The following TBXAS1 variants were observed in gnomAD, a reference collection of about 807,000 sequenced individuals.
TBXAS1 encodes thromboxane A synthase 1, also known as thromboxane-A synthase.
TBXAS1 carries 48 observed loss-of-function variants against 60.7 expected under a neutral mutation model. The ratio of observed to expected loss-of-function variants is 0.79; its 90% confidence interval spans 0.63 to 1.01. The LOEUF (loss-of-function observed/expected upper bound fraction) is 1.01. Ranked by LOEUF, TBXAS1 falls within the 50% of genes least tolerant of loss-of-function variation. TBXAS1 has a pLI of 0.00. For missense variants in TBXAS1, 685 were observed against 686.3 expected, an observed-to-expected ratio of 1.00 and a Z score of 0.02; for synonymous variants, 287 against 269.7, an observed-to-expected ratio of 1.06 and a Z score of -0.63.
At chr7:139,785,380 C>G (rs148265687) in intron 3 of TBXAS1, among the ~76,000 whole-genome samples, 24 of 152,252 alleles carry the variant, frequency 1.6e-4, no homozygotes, top group Middle Eastern at 3.4e-3. Context: ...GAACTCATCT[C>G]CTCCCAAACC....
intron 4 of TBXAS1, among the ~76,000 whole-genome samples, chr7:139,797,673 G>T (rs1437614009): frequency 1.3e-5 from 2 of 152,142 alleles, no homozygotes; most frequent in South Asian, 2.1e-4. Context: ...AGTCTTTAGG[G>T]TGAGGGGCTG....
chr7:139,947,373 A>G (rs1010411271), intron 5 of TBXAS1, among the ~76,000 whole-genome samples: 8 of 152,054 alleles, frequency 5.3e-5, no homozygotes, highest in Non-Finnish European at 7.4e-5. Context: ...ATGAGAACAC[A>G]TGCGCATAAG....
chr7:139,848,179 T>G (rs928380268), intron 1 of TBXAS1, among the ~76,000 whole-genome samples: 1 of 151,602 alleles, frequency 6.6e-6, no homozygotes, highest in Non-Finnish European at 1.5e-5. Context: ...AAGACAGGAT[T>G]TTGCTATGTT....
chr7:139,973,560 T>C (rs1050888582), intron 9 of TBXAS1, among the ~76,000 whole-genome samples: 1 of 151,774 alleles, frequency 6.6e-6, no homozygotes, highest in Non-Finnish European at 1.5e-5. Flanking sequence ...GCTTTCTTTT[T>C]TTTTTTTTTT....
chr7:140,010,194 G>T (rs1033112303), intron 10 of TBXAS1, among the ~76,000 whole-genome samples: 1 of 152,076 alleles, frequency 6.6e-6, no homozygotes, highest in Non-Finnish European at 1.5e-5. Flanking sequence ...GAGAGACAAG[G>T]TGTCACAATT....
Position 139,829,467 on chromosome 7 carries a change from C to A in TBXAS1, c.77C>A (p.Ala26Asp). 2 of 1,613,638 alleles carry A rather than the reference C, an allele frequency of 1.2e-6. No individual in the cohort carries two copies. Among genetic ancestry groups the A allele is most frequent in the South Asian group, 1.1e-5 (1 of 90,886 alleles). The change falls in exon 1 of 13, where the codon GCC becomes GAC. Residue 26 changes from alanine (A) to aspartate (D), a missense_variant. Ala to Asp is a moderately radical substitution (Grantham distance 126). Coordinates refer to ENST00000448866, the MANE Select transcript of TBXAS1 (RefSeq NM_001061.7). Reference protein sequence around the residue: ...VTVALSVALLALLKWYSTSAF... With the variant: ...VTVALSVALLDLLKWYSTSAF... The stretch of plus-strand genomic sequence containing the variant: ...GTGGCCCTGTCAGTGGCTCTCTTGG[C>A]CCTCCTGAAATGGTAAGTGCAGCCA...
chr7:139,991,293 C>A (rs1812879800), intron 9 of TBXAS1, among the ~76,000 whole-genome samples: 1 of 152,158 alleles, frequency 6.6e-6, no homozygotes, highest in Non-Finnish European at 1.5e-5. Context: ...CCCATCCCTA[C>A]CCCATGCAGG....
intron 1 of TBXAS1, among the ~76,000 whole-genome samples, chr7:139,839,066 T>A (rs1332584961): frequency 6.6e-6 from 1 of 152,184 alleles, no homozygotes; most frequent in Non-Finnish European, 1.5e-5. Context: ...AAGCAACACC[T>A]AAGGACTGGC....
At position 139,936,224 on chromosome 7, in the gene TBXAS1, A is replaced by G. The variant is rs774271298; in HGVS notation, c.367A>G (p.Ser123Gly). The G allele has an allele frequency of 1.9e-6, 3 of 1,614,238 alleles. No homozygotes were observed. Among genetic ancestry groups the G allele is most frequent in the Admixed American group, 1.7e-5 (1 of 60,026 alleles). ...TTTGGAGTTCAAGTCGGTAGCCGAC[A>G]GCGTTCTGTTTTTACGTGACAAAAG... ...SGLEFKSVAD[S>G]VLFLRDKRWE... Residue 123 changes from serine (S) to glycine (G), a missense_variant, in exon 5 of 13, where the codon AGC becomes GGC. By Grantham distance (56) the Ser-to-Gly change is moderately conservative. Coordinates refer to ENST00000448866, the MANE Select transcript of TBXAS1 (RefSeq NM_001061.7).
chr7:139,825,422 C>T (rs1409582884), upstream of TBXAS1, among the ~76,000 whole-genome samples: 6 of 152,256 alleles, frequency 3.9e-5, no homozygotes, highest in East Asian at 1.9e-4. Context: ...GGTGTGGTAA[C>T]GTCTCCATGG....
chr7:139,929,511 G>A (rs941732720), intron 4 of TBXAS1, among the ~76,000 whole-genome samples: 1 of 152,106 alleles, frequency 6.6e-6, no homozygotes, highest in African/African-American at 2.4e-5. Context: ...GGGTGGAGCA[G>A]GTAATCGAAA....
chr7:139,966,927 T>C (rs115446900), intron 9 of TBXAS1, among the ~76,000 whole-genome samples: 2,503 of 151,752 alleles, frequency 0.016, 61 homozygotes, highest in African/African-American at 0.057. Context: ...TGTGAACGGA[T>C]CCCCAAATCC....
At chr7:139,817,514 C>T (rs80236884) in intron 4 of TBXAS1, among the ~76,000 whole-genome samples, 340 of 152,220 alleles carry the variant, frequency 2.2e-3, no homozygotes, top group East Asian at 7.1e-3. Flanking sequence ...GGTAAAACCC[C>T]GATAAGATAA....
At chr7:139,793,829 G>A (rs1797466466) in intron 4 of TBXAS1, among the ~76,000 whole-genome samples, 1 of 152,210 alleles carries the variant, frequency 6.6e-6, no homozygotes, top group Admixed American at 6.5e-5. Context: ...TCAGAGCCAA[G>A]TGTTGAGACC....
chr7:139,994,580 G>C (rs1486001707), intron 9 of TBXAS1, among the ~76,000 whole-genome samples: 1 of 151,770 alleles, frequency 6.6e-6, no homozygotes, highest in Non-Finnish European at 1.5e-5. Context: ...AATGGACCGA[G>C]TGGGCAATAG....
intron 1 of TBXAS1, among the ~76,000 whole-genome samples, chr7:139,865,611 GGAGGAGGAAGAGGAGGAGGAGGAA>G (rs1801298578): frequency 1.1e-5 from 1 of 89,856 alleles, no homozygotes; most frequent in African/African-American, 4.1e-5. Flanking sequence ...AGGAAGAGGA[GGAGGAGGAAGAGGAGGAGGAGGAA>G]GAGGAGGAGG....
At chr7:139,947,767 T>C (rs1346838491) in intron 5 of TBXAS1, among the ~76,000 whole-genome samples, 1 of 151,938 alleles carries the variant, frequency 6.6e-6, no homozygotes, top group Non-Finnish European at 1.5e-5. Context: ...AGGAACAAAA[T>C]GGGAAACTTT....
At chr7:139,878,913 T>C (rs1802468971) in intron 3 of TBXAS1, among the ~76,000 whole-genome samples, 1 of 152,136 alleles carries the variant, frequency 6.6e-6, no homozygotes, top group African/African-American at 2.4e-5. Flanking sequence ...TAGAGATGTA[T>C]TGGGCCTTTA....
chr7:139,869,624 A>G (rs1347535951), intron 1 of TBXAS1, among the ~76,000 whole-genome samples: 1 of 152,130 alleles, frequency 6.6e-6, no homozygotes, highest in Non-Finnish European at 1.5e-5. Context: ...CCTGGCCTCA[A>G]GTGATCTGCC....
Sources: allele counts gnomAD v4.1 joint callset (sites outside exome capture counted in the v4.1 genomes callset), GRCh38; gene constraint gnomAD v4.1.1; transcripts MANE v1.5; gene names NCBI Gene and HGNC (gene_info 2026-07-23, HGNC 2026-07-21).